Variants in ASIP observed in about 807,000 individuals in gnomAD.
ASIP encodes agouti signaling protein, also known as agouti-signaling protein.
In ASIP, 11 loss-of-function variants were observed where a neutral mutation model predicts 10.3. That is an observed-to-expected ratio of 1.07 (90% CI 0.68 to 1.78). ASIP has a LOEUF of 1.78. Among genes scored for constraint, ASIP ranks in the 40% most tolerant of loss-of-function variants. The pLI is 0.00. For missense variants in ASIP, 180 were observed against 169.2 expected (o/e 1.06, Z -0.35); for synonymous variants, 70 against 70.8 (o/e 0.99, Z 0.06).
chr20:34,216,129 C>T (rs751897231), intron 1 of ASIP, among the ~76,000 whole-genome samples: 1 of 152,242 alleles, frequency 6.6e-6, no homozygotes, highest in African/African-American at 2.4e-5. Flanking sequence ...CGGAGTTGGC[C>T]GGGACTGCAC....
At chr20:34,196,250 G>A (rs2034856229) in intron 1 of ASIP, among the ~76,000 whole-genome samples, 1 of 147,168 alleles carries the variant, frequency 6.8e-6, no homozygotes. Flanking sequence ...CGTGATCTCG[G>A]CTCACTGCAA....
At chr20:34,235,118 G>A (rs1326367825) in intron 1 of ASIP, 5 of 152,238 alleles carry the variant, frequency 3.3e-5, no homozygotes, top group Admixed American at 3.3e-4. Flanking sequence ...CCATCTTGAA[G>A]AGCAAGAGCA....
chr20:34,217,852 C>T (rs564673172), intron 1 of ASIP, among the ~76,000 whole-genome samples: 3 of 152,332 alleles, frequency 2.0e-5, no homozygotes, highest in South Asian at 4.1e-4. Flanking sequence ...CGTGAGCCAC[C>T]GCGCCCAGCC....
rs937888696 is a variant in ASIP, at chr20:34,269,117, C to T, written c.349C>T (p.Arg117Cys). The change falls in exon 4 of 4, where the codon CGC (arginine) becomes TGC (cysteine). Residue 117 changes from arginine to cysteine, a missense_variant. Coordinates refer to ENST00000374954, the MANE Select transcript of ASIP (RefSeq NM_001672.3). ...CCDPCASCQC[R>C]FFRSACSCRV... ...CGACCCGTGCGCCTCCTGCCAGTGC[C>T]GCTTCTTCCGCAGCGCCTGCTCCTG... The T allele has an allele frequency of 5.8e-6, 9 of 1,560,336 alleles. No individual in the cohort carries two copies. The African/African-American group carries it at 1.1e-4, about 19-fold the overall frequency.
chr20:34,262,906 A>T lies in ASIP; in HGVS notation c.222+13A>T. The stretch of plus-strand genomic sequence containing the variant: ...AAGATCTTCTAAGGTAAGGGCAGGG[A>T]AGTTCTGGGAGTTCTCATTGTTGGG... On this transcript the variant is annotated intron_variant, in intron 3 of 3. Transcript: ENST00000374954. 6.2e-7 allele frequency: 1 copy of T among 1,613,812 alleles called. No homozygotes were observed. The highest frequency in any genetic ancestry group is 8.5e-7 in the Non-Finnish European group (1 of 1,179,724).
Position 34,260,478 on chromosome 20 carries a change from G to A in ASIP, c.104G>A (p.Ser35Asn). 1 of 1,614,128 alleles carries A rather than the reference G, an allele frequency of 6.2e-7. No individual in the cohort carries two copies. The highest frequency in any genetic ancestry group is 2.2e-5 in the East Asian group (1 of 44,876). Residue 35 changes from serine (S) to asparagine (N), a missense_variant, in exon 2 of 4, where the codon AGC becomes AAC. Coordinates refer to ENST00000374954, the MANE Select transcript of ASIP (RefSeq NM_001672.3). The part of the protein sequence containing the change: ...PPEEKLRDDR[S>N]LRSNSSVNLL... Reference sequence around the variant, plus strand: ...GAGGAGAAGCTCCGAGATGACAGGAGCCTGAGAAGCAACTCCTCTGTGAAC... The same window carrying A: ...GAGGAGAAGCTCCGAGATGACAGGAACCTGAGAAGCAACTCCTCTGTGAAC...
chr20:34,199,360 T>C (rs1158801622), intron 1 of ASIP, among the ~76,000 whole-genome samples: 1 of 152,142 alleles, frequency 6.6e-6, no homozygotes, highest in Non-Finnish European at 1.5e-5. Flanking sequence ...TGCTGAATCA[T>C]AGGACATGTG....
chr20:34,248,817 A>T (rs1285322838), intron 1 of ASIP, among the ~76,000 whole-genome samples: 3 of 151,426 alleles, frequency 2.0e-5, no homozygotes, highest in Admixed American at 2.0e-4. Flanking sequence ...AGAAAGAAAG[A>T]AATATTCAGC....
At chr20:34,196,191 T>G (rs1459536924) in intron 1 of ASIP, among the ~76,000 whole-genome samples, 2 of 146,562 alleles carry the variant, frequency 1.4e-5, no homozygotes, top group East Asian at 3.9e-4. Context: ...TTTTTTTTTT[T>G]TTTTTTGAGA....
chr20:34,263,730 G>A (rs537610108), intron 3 of ASIP, among the ~76,000 whole-genome samples: 7 of 150,080 alleles, frequency 4.7e-5, no homozygotes, highest in South Asian at 2.1e-4. Flanking sequence ...GTTCGGTGGC[G>A]TGATCTTGGC....
chr20:34,211,374 T>C (rs2034973768), intron 1 of ASIP, among the ~76,000 whole-genome samples: 1 of 152,230 alleles, frequency 6.6e-6, no homozygotes, highest in African/African-American at 2.4e-5. Context: ...CATTGCCATA[T>C]ATTTTAATTT....
At chr20:34,244,901 A>G (rs2035343816) in intron 1 of ASIP, among the ~76,000 whole-genome samples, 1 of 152,246 alleles carries the variant, frequency 6.6e-6, no homozygotes, top group African/African-American at 2.4e-5. Flanking sequence ...TGTCACATCA[A>G]TGAAGCAAGG....
At chr20:34,207,765 ACCATTTATTTAT>A (rs1455117680) in intron 1 of ASIP, among the ~76,000 whole-genome samples, 2 of 150,580 alleles carry the variant, frequency 1.3e-5, no homozygotes, top group African/African-American at 4.9e-5. Context: ...TTTTTCCAGC[ACCATTTATTTAT>A]TTATTTATTT....
intron 3 of ASIP, among the ~76,000 whole-genome samples, chr20:34,264,789 ATTT>A (rs34382186): frequency 9.6e-6 from 1 of 104,218 alleles, no homozygotes; most frequent in African/African-American, 3.9e-5. Context: ...AGTTTACTTC[ATTT>A]TTTTTTTTTT....
intron 3 of ASIP, among the ~76,000 whole-genome samples, chr20:34,264,995 G>A (rs778450011): frequency 6.6e-6 from 1 of 151,556 alleles, no homozygotes; most frequent in Non-Finnish European, 1.5e-5. Context: ...GAGGTTTTGC[G>A]GTGTTGCCCG....
intron 1 of ASIP, chr20:34,194,818 A>T (rs2034844421): frequency 6.6e-6 from 1 of 152,226 alleles, no homozygotes; most frequent in Admixed American, 6.5e-5. Flanking sequence ...GTGCTTTGGT[A>T]CAGTACAATA....
intron 1 of ASIP, among the ~76,000 whole-genome samples, chr20:34,225,230 G>A (rs1055688334): frequency 2.6e-5 from 4 of 152,024 alleles, no homozygotes; most frequent in African/African-American, 7.2e-5. Context: ...TTATTGAGAC[G>A]GGGTTTCACC....
chr20:34,255,835 G>A (rs1475343671), intron 1 of ASIP, among the ~76,000 whole-genome samples: 2 of 152,310 alleles, frequency 1.3e-5, no homozygotes, highest in East Asian at 3.9e-4. Context: ...CCTTGGTCTA[G>A]TGGTAGCATC....
At chr20:34,252,027 T>C (rs1201186039) in intron 1 of ASIP, among the ~76,000 whole-genome samples, 1 of 152,246 alleles carries the variant, frequency 6.6e-6, no homozygotes, top group East Asian at 1.9e-4. Flanking sequence ...AGAAGGTAGA[T>C]TCTTTCATTC....
Sources: allele counts gnomAD v4.1 joint callset (sites outside exome capture counted in the v4.1 genomes callset), GRCh38; gene constraint gnomAD v4.1.1; transcripts MANE v1.5; gene names NCBI Gene and HGNC (gene_info 2026-07-23, HGNC 2026-07-21).